The following TPO variants were observed in gnomAD, a reference collection of about 807,000 sequenced individuals.
The protein encoded by TPO is thyroid peroxidase, also known as thyroid microsomal antigen.
A neutral mutation model predicts 96.9 loss-of-function variants in TPO; 78 were observed. That is an observed-to-expected ratio of 0.81 (90% CI 0.67 to 0.97). TPO has a LOEUF of 0.97. Among genes scored for constraint, TPO ranks in the 50% least tolerant of loss-of-function variants. TPO has a pLI of 0.00. For missense variants in TPO, 1,252 were observed against 1,274.8 expected (o/e 0.98, Z 0.27); for synonymous variants, 547 against 538.0 (o/e 1.02, Z -0.23).
Position 1,447,996 on chromosome 2 carries a change from C to T in TPO, c.483-5698C>T, listed in dbSNP as rs138082664. 6.6e-5 allele frequency among the ~76,000 whole-genome samples: 10 copies of T among 152,338 alleles called. No individual in the cohort carries two copies. The East Asian group carries it at 7.7e-4, about 12-fold the overall frequency. ...ATCAGAACACCTTGTTGGGGCAGCTCGCACTGGGGCGCAGGTGGCAGAAGC... is the reference window on the plus strand; with the variant it reads ...ATCAGAACACCTTGTTGGGGCAGCTTGCACTGGGGCGCAGGTGGCAGAAGC... On this transcript the variant is annotated intron_variant, in intron 5 of 16. Transcript: ENST00000329066.
intron 3 of TPO, among the ~76,000 whole-genome samples, chr2:1,427,805 C>A (rs1664577508): frequency 6.6e-6 from 1 of 152,140 alleles, no homozygotes; most frequent in Non-Finnish European, 1.5e-5. Context: ...ATTCAGGGAC[C>A]ATTTCCAATA....
At chr2:1,505,251 GT>G (rs1454812137) in intron 14 of TPO, among the ~76,000 whole-genome samples, 3 of 147,516 alleles carry the variant, frequency 2.0e-5, no homozygotes, top group Non-Finnish European at 4.5e-5. Flanking sequence ...CCCCCTTCCT[GT>G]GTCAGGCGCA....
At chr2:1,375,492 G>A (rs1159894731) in intron 1 of TPO, among the ~76,000 whole-genome samples, 1 of 151,728 alleles carries the variant, frequency 6.6e-6, no homozygotes, top group Non-Finnish European at 1.5e-5. Flanking sequence ...GAGGGGAGAA[G>A]GAAAAAGAGG....
chr2:1,491,731 G>A (rs1446119834), intron 10 of TPO, among the ~76,000 whole-genome samples: 5 of 152,250 alleles, frequency 3.3e-5, no homozygotes, highest in Non-Finnish European at 7.3e-5. Flanking sequence ...TGTGGGGTAT[G>A]TTTGGGATGG....
intron 11 of TPO, among the ~76,000 whole-genome samples, chr2:1,494,778 G>A (rs1413999649): frequency 5.3e-5 from 8 of 152,236 alleles, no homozygotes; most frequent in Non-Finnish European, 8.8e-5. Flanking sequence ...TCTATTTTTG[G>A]TAGTCACTGT....
At chr2:1,496,881 C>T (rs1672409915) in intron 13 of TPO, 116 bp downstream of exon 13, 2 of 1,486,190 alleles carry the variant, frequency 1.3e-6, no homozygotes, top group Admixed American at 3.6e-5. Context: ...CTGTTATCTT[C>T]CCAGGAGCAA....
chr2:1,536,111 T>A (rs1367868043), intron 15 of TPO, among the ~76,000 whole-genome samples: 4 of 10,876 alleles, frequency 3.7e-4, no homozygotes, highest in African/African-American at 1.6e-3. Context: ...AATCCCCCCA[T>A]TATGTGCAAC....
In TPO at chr2:1,436,234, G is replaced by T; in HGVS notation, c.350-18G>T. The T allele has an allele frequency of 6.2e-7, 1 of 1,614,144 alleles. No homozygotes were observed. The highest frequency in any genetic ancestry group is 8.5e-7 in the Non-Finnish European group (1 of 1,180,034). On this transcript the variant is annotated intron_variant, in intron 4 of 16. Transcript: ENST00000329066. ...TGTGGTTACAAGCACAGAATTCATG[G>T]TTTCCTATTTTTCACAGATGCTTTA...
At chr2:1,446,145 T>C (rs2148549139) in intron 5 of TPO, among the ~76,000 whole-genome samples, 1 of 152,284 alleles carries the variant, frequency 6.6e-6, no homozygotes, top group East Asian at 1.9e-4. Context: ...GATCGAGAAC[T>C]GTACACCCCA....
chr2:1,400,845 T>G (rs1254448828), intron 1 of TPO, among the ~76,000 whole-genome samples: 1 of 152,240 alleles, frequency 6.6e-6, no homozygotes, highest in Admixed American at 6.5e-5. Context: ...GGGATCTTTT[T>G]AAAATGCCTT....
chr2:1,522,125 G>A (rs370340753), intron 15 of TPO, among the ~76,000 whole-genome samples: 8 of 133,696 alleles, frequency 6.0e-5, no homozygotes, highest in Admixed American at 2.3e-4. Flanking sequence ...ACCCGACACC[G>A]GCCCTGCCAC....
At chr2:1,391,372 A>AG (rs1178351098) in intron 1 of TPO, among the ~76,000 whole-genome samples, 1 of 152,120 alleles carries the variant, frequency 6.6e-6, no homozygotes, top group Non-Finnish European at 1.5e-5. Flanking sequence ...CCATTGGTCT[A>AG]TATGTCTGTT....
chr2:1,529,383 C>G (rs1426808501), intron 15 of TPO, among the ~76,000 whole-genome samples: 1 of 93,568 alleles, frequency 1.1e-5, no homozygotes, highest in East Asian at 4.3e-4. Flanking sequence ...GCAACGTCCC[C>G]AAATCCCCCC....
intron 7 of TPO, among the ~76,000 whole-genome samples, chr2:1,457,397 A>G (rs1440258037): frequency 1.5e-5 from 1 of 68,020 alleles, no homozygotes; most frequent in Non-Finnish European, 3.6e-5. Flanking sequence ...GTACACATAT[A>G]TATAGCATGT....
intron 15 of TPO, among the ~76,000 whole-genome samples, chr2:1,529,282 A>AG: frequency 1.6e-5 from 1 of 63,954 alleles, no homozygotes; most frequent in Non-Finnish European, 2.7e-5. Context: ...AAATCCCCCC[A>AG]CTGTGTGCAA....
chr2:1,401,423 CG>C (rs1478897678), intron 1 of TPO, among the ~76,000 whole-genome samples: 6 of 152,118 alleles, frequency 3.9e-5, no homozygotes, highest in African/African-American at 1.4e-4. Flanking sequence ...TTAGTAAAGT[CG>C]CTAGTTCTCT....
At chr2:1,493,242 C>T (rs976201653) in intron 10 of TPO, among the ~76,000 whole-genome samples, 5 of 143,604 alleles carry the variant, frequency 3.5e-5, no homozygotes, top group Non-Finnish European at 7.5e-5. Context: ...GTGTGTGCTC[C>T]TGATGTCATT....
At chr2:1,421,342 G>A (rs1016092123) in intron 2 of TPO, among the ~76,000 whole-genome samples, 4 of 152,182 alleles carry the variant, frequency 2.6e-5, no homozygotes, top group East Asian at 1.9e-4. Context: ...CGAGGCCCTC[G>A]GCCAAGAGCT....
intron 15 of TPO, among the ~76,000 whole-genome samples, chr2:1,534,595 C>CTA (rs879685826): frequency 0.13 from 17,105 of 130,344 alleles, 2,439 homozygotes; most frequent in East Asian, 0.17. Flanking sequence ...CACTGTGCAA[C>CTA]CGCACCAAAT....
Sources: allele counts gnomAD v4.1 joint callset (sites outside exome capture counted in the v4.1 genomes callset), GRCh38; gene constraint gnomAD v4.1.1; transcripts MANE v1.5; gene names NCBI Gene and HGNC (gene_info 2026-07-23, HGNC 2026-07-21).